The following DGKB variants were observed in gnomAD, a reference collection of about 807,000 sequenced individuals.
DGKB encodes the protein 90 kDa diacylglycerol kinase.
DGKB carries 67 observed loss-of-function variants against 114.3 expected under a neutral mutation model. The observed-to-expected ratio is 0.59, with a 90% CI of 0.48 to 0.72. DGKB has a LOEUF of 0.72. DGKB is among the 30% of genes least tolerant of loss of function. DGKB has a pLI of 0.00. For synonymous variants in DGKB, 398 were observed against 323.1 expected (o/e 1.23, Z -2.49); for missense variants, 907 against 975.2 (o/e 0.93, Z 0.93).
chr7:14,438,997 T>A (rs1057067422), intron 21 of DGKB, among the ~76,000 whole-genome samples: 37 of 152,054 alleles, frequency 2.4e-4, no homozygotes, highest in Non-Finnish European at 3.7e-4. Context: ...TCCTTTTTTT[T>A]TTCTTTTAGT....
intron 23 of DGKB, among the ~76,000 whole-genome samples, chr7:14,296,381 C>T (rs1445568839): frequency 2.6e-5 from 4 of 152,124 alleles, no homozygotes; most frequent in Non-Finnish European, 2.9e-5. Context: ...ATTTGTGCCA[C>T]ATTATCTTTA....
chr7:14,899,724 T>C (rs1481750148), intron 1 of DGKB, among the ~76,000 whole-genome samples: 1 of 152,054 alleles, frequency 6.6e-6, no homozygotes, highest in Non-Finnish European at 1.5e-5. Flanking sequence ...CTGGGGTCAA[T>C]GCAGGTGGAT....
At chr7:14,824,725 A>T (rs1845422923) in intron 2 of DGKB, among the ~76,000 whole-genome samples, 1 of 152,092 alleles carries the variant, frequency 6.6e-6, no homozygotes, top group African/African-American at 2.4e-5. Flanking sequence ...ATGTACATTT[A>T]CCCTTTTAAA....
intron 5 of DGKB, among the ~76,000 whole-genome samples, chr7:14,731,298 A>C (rs2128388281): frequency 6.6e-6 from 1 of 152,318 alleles, no homozygotes; most frequent in South Asian, 2.1e-4. Context: ...TGTTCCATCT[A>C]AAATACAGTA....
At chr7:14,792,822 G>A (rs1336927852) in intron 2 of DGKB, among the ~76,000 whole-genome samples, 1 of 152,034 alleles carries the variant, frequency 6.6e-6, no homozygotes, top group Non-Finnish European at 1.5e-5. Flanking sequence ...CAATCCACTT[G>A]AAGAAATGTA....
At chr7:14,530,138 C>T (rs1296983858) in intron 20 of DGKB, among the ~76,000 whole-genome samples, 1 of 151,398 alleles carries the variant, frequency 6.6e-6, no homozygotes, top group Non-Finnish European at 1.5e-5. Context: ...AATGGAAATG[C>T]CATTTTATTA....
At chr7:14,452,969 A>T (rs893497045) in intron 21 of DGKB, among the ~76,000 whole-genome samples, 1 of 152,164 alleles carries the variant, frequency 6.6e-6, no homozygotes, top group African/African-American at 2.4e-5. Context: ...AATCTTACAG[A>T]ACGTATGTGT....
chr7:14,458,265 G>A (rs1341510352), intron 21 of DGKB, among the ~76,000 whole-genome samples: 1 of 152,064 alleles, frequency 6.6e-6, no homozygotes, highest in Non-Finnish European at 1.5e-5. Context: ...AAATTCTTAT[G>A]ACTACATAAT....
chr7:14,620,594 G>T (rs1807435939), intron 15 of DGKB, among the ~76,000 whole-genome samples: 1 of 151,624 alleles, frequency 6.6e-6, no homozygotes, highest in Non-Finnish European at 1.5e-5. Flanking sequence ...TGAAGTATAG[G>T]CAGTTGGAAC....
At chr7:14,592,020 T>G (rs1449799801) in intron 17 of DGKB, among the ~76,000 whole-genome samples, 1 of 151,908 alleles carries the variant, frequency 6.6e-6, no homozygotes, top group Non-Finnish European at 1.5e-5. Context: ...ATTTTATTAT[T>G]AAAAAATACT....
chr7:14,308,881 C>T (rs1403451240), intron 23 of DGKB, among the ~76,000 whole-genome samples: 1 of 152,218 alleles, frequency 6.6e-6, no homozygotes, highest in South Asian at 2.1e-4. Context: ...TCTTTTGTTA[C>T]AGCCTTTGAG....
intron 2 of DGKB, among the ~76,000 whole-genome samples, chr7:14,778,702 A>G (rs1166661464): frequency 6.6e-6 from 1 of 152,228 alleles, no homozygotes; most frequent in Admixed American, 6.5e-5. Flanking sequence ...GTTAGAAGGG[A>G]GAGGTGAAGA....
chr7:14,186,668 C>G (rs939924117), intron 23 of DGKB, among the ~76,000 whole-genome samples: 116 of 152,272 alleles, frequency 7.6e-4, no homozygotes, highest in African/African-American at 2.4e-3. Context: ...TATATATATT[C>G]AATGTAATAC....
chr7:14,908,547 T>C (rs927560285), intron 1 of DGKB, among the ~76,000 whole-genome samples: 11 of 152,202 alleles, frequency 7.2e-5, no homozygotes, highest in Admixed American at 7.2e-4. Flanking sequence ...CTTTAAGCCA[T>C]CTAAATGATT....
chr7:14,306,920 C>T (rs1804575464), intron 23 of DGKB, among the ~76,000 whole-genome samples: 1 of 152,160 alleles, frequency 6.6e-6, no homozygotes, highest in African/African-American at 2.4e-5. Flanking sequence ...TTCCCCTTAG[C>T]TTACCTAATT....
At chr7:14,944,658 G>T (rs1785764174) in intron 1 of DGKB, among the ~76,000 whole-genome samples, 1 of 151,572 alleles carries the variant, frequency 6.6e-6, no homozygotes, top group Non-Finnish European at 1.5e-5. Context: ...GGCATTTCTG[G>T]AGACAATTTT....
chr7:14,411,831 G>A (rs764177739), intron 21 of DGKB, among the ~76,000 whole-genome samples: 1 of 152,056 alleles, frequency 6.6e-6, no homozygotes. Context: ...GTTAACCAAA[G>A]TATCATCTCT....
At chr7:14,289,162 A>G (rs1039499177) in intron 23 of DGKB, among the ~76,000 whole-genome samples, 1 of 152,082 alleles carries the variant, frequency 6.6e-6, no homozygotes, top group Non-Finnish European at 1.5e-5. Flanking sequence ...ATTAAACTCA[A>G]TATTTAGTGT....
chr7:14,966,874 T>C (rs1055456682), intron 1 of DGKB, among the ~76,000 whole-genome samples: 4 of 152,176 alleles, frequency 2.6e-5, no homozygotes, highest in Non-Finnish European at 5.9e-5. Context: ...AAAATCTACA[T>C]TGCAGAATGT....
Sources: gnomAD v4.1 joint callset for allele counts (sites outside exome capture counted in the v4.1 genomes callset) on GRCh38, gnomAD v4.1.1 for gene constraint, MANE v1.5 for transcripts, NCBI Gene and HGNC (gene_info 2026-07-23, HGNC 2026-07-21) for gene names.